FER: variants seen among roughly 807,000 people sequenced by gnomAD.
FER encodes tyrosine-protein kinase Fer.
In FER, 63 loss-of-function variants were observed where a neutral mutation model predicts 111.0. That is an observed-to-expected ratio of 0.57 (90% CI 0.46 to 0.70). FER has a LOEUF of 0.70. Ranked by LOEUF, FER falls within the 30% of genes least tolerant of loss-of-function variation. The pLI is 0.00. For missense variants in FER, 914 were observed against 954.0 expected, an observed-to-expected ratio of 0.96 and a Z score of 0.55; for synonymous variants, 327 against 313.9, an observed-to-expected ratio of 1.04 and a Z score of -0.44.
chr5:108,853,962 A>G (rs1268201227), intron 5 of FER, among the ~76,000 whole-genome samples: 1 of 152,218 alleles, frequency 6.6e-6, no homozygotes, highest in African/African-American at 2.4e-5. Context: ...TAGTTTAGGC[A>G]AGGGGTCATG....
At position 108,975,302 on chromosome 5, in the gene FER, C is replaced by T. The variant is rs546118208; in HGVS notation, c.1656+15955C>T. Among the ~76,000 whole-genome samples the T allele has an allele frequency of 2.3e-4, 35 of 152,000 alleles. No homozygotes were observed. In the Middle Eastern group the frequency reaches 0.014, roughly 59 times the overall value. ...CATTAGGATAAATAGCTAATGCACG[C>T]GGGGCTTAAAACGTAGATGATGGGT... On this transcript the variant is annotated intron_variant, in intron 13 of 19. Transcript: ENST00000281092.
chr5:108,797,270 T>C (rs146939174), intron 2 of FER, among the ~76,000 whole-genome samples: 78 of 152,180 alleles, frequency 5.1e-4, no homozygotes, highest in African/African-American at 1.8e-3. Flanking sequence ...CTTTACTGTT[T>C]GTCTCCTCTC....
chr5:108,796,918 C>G (rs1462739537), intron 2 of FER, among the ~76,000 whole-genome samples: 1 of 151,894 alleles, frequency 6.6e-6, no homozygotes, highest in Non-Finnish European at 1.5e-5. Context: ...TTAATTTTCT[C>G]TTTGTTTTTC....
At chr5:109,094,162 C>T (rs1031888526) in intron 16 of FER, among the ~76,000 whole-genome samples, 2 of 144,998 alleles carry the variant, frequency 1.4e-5, no homozygotes, top group Non-Finnish European at 3.1e-5. Flanking sequence ...TTGATAAATC[C>T]ACCTTTCCAG....
chr5:109,158,516 T>A (rs1470232333), intron 17 of FER, among the ~76,000 whole-genome samples: 2 of 152,186 alleles, frequency 1.3e-5, no homozygotes, highest in Non-Finnish European at 2.9e-5. Flanking sequence ...AGAATACCAA[T>A]CTTCTCCTAG....
At chr5:108,805,924 T>G (rs2150064606) in intron 3 of FER, among the ~76,000 whole-genome samples, 1 of 152,316 alleles carries the variant, frequency 6.6e-6, no homozygotes, top group South Asian at 2.1e-4. Flanking sequence ...TCAAGAAATT[T>G]GCATAAGTAA....
chr5:109,186,365 A>C (rs757553437), intron 19 of FER, 43 bp downstream of exon 19: 2 of 1,613,710 alleles, frequency 1.2e-6, no homozygotes, highest in African/African-American at 2.7e-5. Flanking sequence ...GTCCAGCCCC[A>C]GGGGTAGGCA....
chr5:108,936,778 A>G (rs1755532265), intron 10 of FER, among the ~76,000 whole-genome samples: 1 of 152,048 alleles, frequency 6.6e-6, no homozygotes, highest in South Asian at 2.1e-4. Flanking sequence ...TATTCTCTGT[A>G]TTAACACTTT....
chr5:109,085,175 A>T (rs1777423865), intron 16 of FER, among the ~76,000 whole-genome samples: 1 of 151,806 alleles, frequency 6.6e-6, no homozygotes, highest in Admixed American at 6.6e-5. Flanking sequence ...GAAATTTACA[A>T]TATTAAGCCT....
At chr5:109,022,369 C>A (rs559333824) in intron 13 of FER, among the ~76,000 whole-genome samples, 2 of 152,160 alleles carry the variant, frequency 1.3e-5, no homozygotes, top group East Asian at 3.9e-4. Flanking sequence ...ACATGAGGAG[C>A]ATAAAGGAAC....
At chr5:109,051,353 G>A (rs1197749056) in intron 16 of FER, 14 of 1,609,256 alleles carry the variant, frequency 8.7e-6, no homozygotes, top group African/African-American at 6.7e-5. Flanking sequence ...CTGCTGGCAC[G>A]ACTGCTGGCT....
At chr5:108,941,575 G>A (rs1405983508) in intron 10 of FER, among the ~76,000 whole-genome samples, 1 of 152,074 alleles carries the variant, frequency 6.6e-6, no homozygotes, top group East Asian at 1.9e-4. Context: ...ATTTACTGTT[G>A]TATCGTTATG....
At chr5:109,187,021 C>CTATTGAATTCACATTTATAAAATCCTCA (rs1196001911) in intron 19 of FER, among the ~76,000 whole-genome samples, 10 of 152,178 alleles carry the variant, frequency 6.6e-5, no homozygotes, top group East Asian at 5.8e-4. Flanking sequence ...TTTTATTTCC[C>CTATTGAATTCACATTTATAAAATCCTCA]TATTGAATTC....
chr5:109,015,177 G>T (rs115180938), intron 13 of FER, among the ~76,000 whole-genome samples: 1 of 151,918 alleles, frequency 6.6e-6, no homozygotes, highest in Non-Finnish European at 1.5e-5. Context: ...TAGTAATATG[G>T]CTTTTTTATT....
chr5:109,127,651 G>A lies in FER; in HGVS notation c.2048+27132G>A, dbSNP rs576740928. Among the ~76,000 whole-genome samples the A allele has an allele frequency of 1.3e-4, 19 of 151,884 alleles. No individual in the cohort carries two copies. The East Asian group carries it at 2.5e-3, about 20-fold the overall frequency. On this transcript the variant is annotated intron_variant, in intron 17 of 19. Transcript: ENST00000281092. ...CGATCTCCTGAGCTCATGATCCACC[G>A]GCCATGGCCTCCCAAAGTGCTGGGA...
At chr5:108,868,115 T>G (rs1764252814) in intron 6 of FER, among the ~76,000 whole-genome samples, 165 bp downstream of exon 6, 1 of 152,110 alleles carries the variant, frequency 6.6e-6, no homozygotes, top group Non-Finnish European at 1.5e-5. Flanking sequence ...CCCTTCAGTT[T>G]GTGCTTATCC....
chr5:109,009,944 G>A (rs778010396), intron 13 of FER, among the ~76,000 whole-genome samples: 1 of 152,140 alleles, frequency 6.6e-6, no homozygotes, highest in Non-Finnish European at 1.5e-5. Context: ...TCTAAATTTT[G>A]TAATTTCCAC....
intron 13 of FER, among the ~76,000 whole-genome samples, chr5:109,029,425 C>CTTTTTTTTTTTTTTTTTTT (rs757282669): frequency 1.9e-5 from 1 of 52,212 alleles, no homozygotes; most frequent in Non-Finnish European, 3.4e-5. Flanking sequence ...ATTCATTGTT[C>CTTTTTTTTTTTTTTTTTTT]TTTTTTTTTT....
intron 13 of FER, among the ~76,000 whole-genome samples, chr5:109,005,316 G>T (rs1309306785): frequency 6.6e-6 from 1 of 152,004 alleles, no homozygotes. Flanking sequence ...CAGGAGAGAG[G>T]ATAGAAGGTG....
Sources: gnomAD v4.1 joint callset for allele counts (sites outside exome capture counted in the v4.1 genomes callset) on GRCh38, gnomAD v4.1.1 for gene constraint, MANE v1.5 for transcripts, NCBI Gene and HGNC (gene_info 2026-07-23, HGNC 2026-07-21) for gene names.